Variants in DNAAF9 observed in about 807,000 individuals in gnomAD.
The protein encoded by DNAAF9 is shulin.
DNAAF9 carries 90 observed loss-of-function variants against 167.0 expected under a neutral mutation model. That is an observed-to-expected ratio of 0.54 (90% CI 0.45 to 0.64). The LOEUF (loss-of-function observed/expected upper bound fraction) is 0.64, where lower values mean the gene tolerates loss of function less well. Among genes scored for constraint, DNAAF9 ranks in the 30% least tolerant of loss-of-function variants. DNAAF9 has a pLI of 0.00. For synonymous variants in DNAAF9, 491 were observed against 508.8 expected (o/e 0.96, Z 0.47); for missense variants, 1,315 against 1,442.2 (o/e 0.91, Z 1.43).
intron 3 of DNAAF9, among the ~76,000 whole-genome samples, chr20:3,380,912 A>G (rs912774578): frequency 6.6e-6 from 1 of 152,260 alleles, no homozygotes; most frequent in Admixed American, 6.5e-5. Context: ...CATGAATTAA[A>G]GTCACAGAGA....
intron 33 of DNAAF9, 70 bp from the exon 34 acceptor site, chr20:3,256,281 C>A: frequency 1.9e-6 from 2 of 1,080,302 alleles, no homozygotes; most frequent in Admixed American, 3.5e-5. Context: ...AAGACTGTGA[C>A]AATGCAGATG....
intron 1 of DNAAF9, among the ~76,000 whole-genome samples, 182 bp downstream of exon 1, chr20:3,407,293 A>G (rs758821527): frequency 5.9e-5 from 9 of 152,050 alleles, no homozygotes; most frequent in Non-Finnish European, 1.2e-4. Flanking sequence ...TCCAAAGGGG[A>G]GCCATTGTGG....
At chr20:3,348,703 CTT>C (rs2070248688) in intron 7 of DNAAF9, 80 bp from the exon 8 acceptor site, 4 of 797,600 alleles carry the variant, frequency 5.0e-6, no homozygotes, top group Non-Finnish European at 2.0e-6. Flanking sequence ...GAAACTGTAA[CTT>C]ATCTCAAAAC....
In DNAAF9 at chr20:3,332,361, C is replaced by T. The variant is rs760511533; in HGVS notation, c.982G>A (p.Val328Ile). 1 of 1,579,086 alleles carries T rather than the reference C, an allele frequency of 6.3e-7. No individual in the cohort carries two copies. Among genetic ancestry groups the T allele is most frequent in the Non-Finnish European group, 8.7e-7 (1 of 1,149,776 alleles). ...CCCTTTGGTGAGACACACTGGGCTA[C>T]CTGGATGTCAGAAAAAAATAAAAAT... ...GPGGSFAKHM[V>I]AQCVSPKGPL... is the part of the protein sequence containing the mutation. Residue 328 changes from valine to isoleucine, a missense_variant and splice_region_variant, in exon 11 of 37, where the codon GTA becomes ATA. Physicochemically the swap from Val to Ile is conservative, Grantham distance 29. This residue lies in a region of DNAAF9 where 981 missense variants were observed against 1,012.5 expected (regional missense o/e 0.97). Coordinates refer to ENST00000252032, the MANE Select transcript of DNAAF9 (RefSeq NM_001009984.3).
At chr20:3,343,803 G>C (rs1214604925) in intron 8 of DNAAF9, 72 bp from the exon 9 acceptor site, 3 of 1,102,864 alleles carry the variant, frequency 2.7e-6, no homozygotes, top group Non-Finnish European at 4.2e-6. Flanking sequence ...CCTCACATAT[G>C]TATGTATGTA....
chr20:3,297,570 G>T (rs1390866271), intron 22 of DNAAF9, among the ~76,000 whole-genome samples: 2 of 152,136 alleles, frequency 1.3e-5, no homozygotes, highest in African/African-American at 4.8e-5. Context: ...GTCTCTAAGT[G>T]GGTCGTTTCA....
At chr20:3,298,574 C>T (rs2069125138) in intron 21 of DNAAF9, among the ~76,000 whole-genome samples, 1 of 152,066 alleles carries the variant, frequency 6.6e-6, no homozygotes, top group Admixed American at 6.5e-5. Context: ...CCCACCTTGG[C>T]CTCCCCAAGT....
At chr20:3,324,181 A>C (rs1842591267) in intron 14 of DNAAF9, among the ~76,000 whole-genome samples, 1 of 152,190 alleles carries the variant, frequency 6.6e-6, no homozygotes, top group Admixed American at 6.5e-5. Context: ...TTAATTGACT[A>C]ATCTTTCAAA....
chr20:3,374,920 T>C (rs2208030), intron 5 of DNAAF9, 110 bp downstream of exon 5: 330,542 of 643,208 alleles, frequency 0.51, 85,982 homozygotes, highest in Middle Eastern at 0.6. Context: ...TTGGTAAAAA[T>C]AGACGAAGGG....
At chr20:3,264,099 G>A (rs570446570) in intron 31 of DNAAF9, among the ~76,000 whole-genome samples, 2 of 152,252 alleles carry the variant, frequency 1.3e-5, no homozygotes, top group African/African-American at 4.8e-5. Context: ...TCAGAAGCGA[G>A]TCTCACCTGG....
intron 10 of DNAAF9, among the ~76,000 whole-genome samples, chr20:3,334,964 T>C (rs1262075551): frequency 2.6e-5 from 4 of 152,242 alleles, no homozygotes; most frequent in Non-Finnish European, 5.9e-5. Flanking sequence ...GCACAGTGAC[T>C]GGCATTTACT....
At chr20:3,265,259 G>A (rs1345012657) in intron 30 of DNAAF9, among the ~76,000 whole-genome samples, 1 of 151,826 alleles carries the variant, frequency 6.6e-6, no homozygotes, top group African/African-American at 2.4e-5. Context: ...GAGGGTCCAC[G>A]ATCCAATCAA....
chr20:3,386,064 A>T (rs546852404), intron 1 of DNAAF9, among the ~76,000 whole-genome samples: 2 of 152,338 alleles, frequency 1.3e-5, no homozygotes, highest in African/African-American at 4.8e-5. Flanking sequence ...AGATGGGAGG[A>T]TCACTTGAGT....
At chr20:3,307,124 T>C (rs1011852314) in intron 20 of DNAAF9, 7 of 984,120 alleles carry the variant, frequency 7.1e-6, no homozygotes, top group African/African-American at 7.0e-5. Context: ...ATTTACTCAA[T>C]AGGAAGATGG....
chr20:3,385,718 T>C (rs1411648674), intron 1 of DNAAF9, among the ~76,000 whole-genome samples: 1 of 152,198 alleles, frequency 6.6e-6, no homozygotes, highest in Non-Finnish European at 1.5e-5. Flanking sequence ...TGTAACTTTA[T>C]AGAAAACCAA....
rs1433946815 is a variant in DNAAF9, at chr20:3,251,744, A to G, written c.*828T>C. 6.6e-6 allele frequency: 1 copy of G among 152,312 alleles called. No individual in the cohort carries two copies. The highest frequency in any genetic ancestry group is 6.5e-5 in the Admixed American group (1 of 15,286). The allele number at this position is 152,312 out of a possible 1,614,324, so 9.4% of individuals were successfully genotyped here. A position where few individuals can be genotyped will look rare whatever the true frequency, so the allele number is the denominator to read the frequency against. ...TGATCAGCCACCAGGCCTAAGACTA[A>G]CCAGCTGCAGGACGCCCCCTTCCAC... is the stretch of plus-strand genomic sequence containing the variant. On this transcript the variant is annotated 3_prime_UTR_variant, in exon 37 of 37. Transcript: ENST00000252032.
intron 6 of DNAAF9, among the ~76,000 whole-genome samples, chr20:3,372,518 G>A (rs1332899192): frequency 6.6e-6 from 1 of 152,130 alleles, no homozygotes; most frequent in African/African-American, 2.4e-5. Context: ...CTTTTCAAAG[G>A]TGTTTTTTGG....
chr20:3,360,291 T>C (rs2083343602), intron 6 of DNAAF9: 1 of 152,178 alleles, frequency 6.6e-6, no homozygotes. Flanking sequence ...CTGGCAAAGA[T>C]GTAGTTCTTC....
intron 25 of DNAAF9, among the ~76,000 whole-genome samples, chr20:3,292,545 T>C (rs760224037): frequency 1.9e-4 from 29 of 151,872 alleles, no homozygotes; most frequent in Non-Finnish European, 3.2e-4. Context: ...GGCGGGAGGA[T>C]CACTCGAAGT....
Sources: gnomAD v4.1 joint callset for allele counts (sites outside exome capture counted in the v4.1 genomes callset) on GRCh38, gnomAD v4.1.1 for gene constraint, gnomAD v4.1.1 regional missense constraint, MANE v1.5 for transcripts, NCBI Gene and HGNC (gene_info 2026-07-23, HGNC 2026-07-21) for gene names.